The following LRP1 variants were observed in gnomAD, a reference collection of about 807,000 sequenced individuals.
The protein encoded by LRP1 is prolow-density lipoprotein receptor-related protein 1.
Under a neutral mutation model 541.5 loss-of-function variants are expected in LRP1, and 51 were observed. The ratio of observed to expected loss-of-function variants is 0.09; its 90% CI spans 0.08 to 0.12. LRP1 has a LOEUF of 0.12. Among genes scored for constraint, LRP1 ranks in the 10% least tolerant of loss-of-function variants. LRP1 has a pLI of 1.00. For synonymous variants in LRP1, 2,219 were observed against 2,470.8 expected (o/e 0.90, Z 3.02); for missense variants, 3,878 against 6,376.2 (o/e 0.61, Z 13.34).
intron 19 of LRP1, 44 bp downstream of exon 19, chr12:57,167,568 G>A: frequency 6.5e-7 from 1 of 1,539,922 alleles, no homozygotes; most frequent in East Asian, 2.2e-5. Flanking sequence ...AAGACAGCTA[G>A]AGGCTACAGC....
chr12:57,208,684 C>G (rs765331545), intron 77 of LRP1, 27 bp from the exon 78 acceptor site: 1 of 1,506,834 alleles, frequency 6.6e-7, no homozygotes, highest in South Asian at 1.1e-5. Flanking sequence ...TCCGGCCTGC[C>G]CACACTCACC....
In LRP1 at chr12:57,206,387, G is replaced by A; in HGVS notation, c.11591-86G>A. 9 of 1,364,996 alleles carry A rather than the reference G, an allele frequency of 6.6e-6. No individual in the cohort carries two copies. The highest frequency in any genetic ancestry group is 1.0e-6 in the Non-Finnish European group (1 of 975,140). The allele number at this position is 1,364,996 out of a possible 1,614,324, so 84.6% of individuals were successfully genotyped here. On this transcript the variant is annotated intron_variant, in intron 75 of 88. Transcript: ENST00000243077. This position sits in a 1 kb window ranked among gnomAD's most constrained non-coding sequence, Gnocchi z 4.7. ...GAGCAGATGGTCCTACCAGGAGATG[G>A]GACAGTGTTCATGTGAAAGGAGCTG...
chr12:57,159,843 G>T lies in LRP1; in HGVS notation c.1817G>T (p.Gly606Val). Reference sequence around the variant, plus strand: ...CCAACAGGCATCCACAATGTGGAGGGTGTGGCCGTGGACTGGATGGGAGAC... The same window carrying T: ...CCAACAGGCATCCACAATGTGGAGGTTGTGGCCGTGGACTGGATGGGAGAC... ...ILKDGIHNVE[G>V]VAVDWMGDNL... The change falls in exon 12 of 89, where the codon GGT (glycine) becomes GTT (valine). Residue 606 changes from glycine (G) to valine (V), a missense_variant. By Grantham distance (109) the Gly-to-Val change is moderately radical. Coordinates refer to ENST00000243077, the MANE Select transcript of LRP1 (RefSeq NM_002332.3). 6.2e-7 allele frequency: 1 copy of T among 1,614,216 alleles called. No individual in the cohort carries two copies. The highest frequency in any genetic ancestry group is 8.5e-7 in the Non-Finnish European group (1 of 1,180,028).
At position 57,203,988 on chromosome 12, in the gene LRP1, G is replaced by A. The variant is rs527872962; in HGVS notation, c.10952-422G>A. The A allele has an allele frequency of 2.6e-5, 5 of 194,930 alleles. No individual in the cohort carries two copies. The East Asian group carries it at 4.0e-4, about 16-fold the overall frequency. 12.1% of individuals were successfully genotyped at this position (194,930 alleles called of 1,614,324 possible). A position where few individuals can be genotyped will look rare whatever the true frequency, so the allele number is the denominator to read the frequency against. ...ATGAGAAAAGACTGGGCCTTGGAGC[G>A]GAAATCCCAACTGTGCGGGCAGATG... On this transcript the variant is annotated intron_variant, in intron 70 of 88. Transcript: ENST00000243077.
intron 24 of LRP1, 70 bp from the exon 25 acceptor site, chr12:57,176,971 C>G: frequency 1.4e-6 from 2 of 1,393,640 alleles, no homozygotes; most frequent in Non-Finnish European, 2.0e-6. Context: ...ATCGAGGGCT[C>G]CCAGGATTTC....
chr12:57,136,526 G>C (rs1191129611), intron 1 of LRP1, among the ~76,000 whole-genome samples: 1 of 151,790 alleles, frequency 6.6e-6, no homozygotes, highest in Non-Finnish European at 1.5e-5. Context: ...TTGGCACCCT[G>C]ATGCCTAGTG....
At chr12:57,210,622 T>C in intron 82 of LRP1, 96 bp from the exon 83 acceptor site, 2 of 1,485,850 alleles carry the variant, frequency 1.3e-6, no homozygotes, top group South Asian at 2.6e-5. Flanking sequence ...CACTCCAGTC[T>C]CTGCTTCTCG....
chr12:57,173,300 G>C lies in LRP1; in HGVS notation c.3296G>C (p.Gly1099Ala). The change falls in exon 21 of 89, where the codon GGA (glycine) becomes GCA (alanine). Residue 1099 changes from glycine to alanine, a missense_variant. Around this residue, in one of 13 missense-constraint regions of LRP1, gnomAD observed 320 missense variants for 547.9 expected, o/e 0.58. Coordinates refer to ENST00000243077, the MANE Select transcript of LRP1 (RefSeq NM_002332.3). The surrounding 1 kb of genome is among the most constrained non-coding windows in gnomAD (Gnocchi z 4.7). Reference sequence around the variant, plus strand: ...TCCAGCGATGAGAAGAGCTGTGAGGGAGTGACCCACGTCTGCGATCCCAGT... The same window carrying C: ...TCCAGCGATGAGAAGAGCTGTGAGGCAGTGACCCACGTCTGCGATCCCAGT... ...MDSSDEKSCE[G>A]VTHVCDPSVK... The C allele has an allele frequency of 1.2e-6, 2 of 1,614,108 alleles. No homozygotes were observed. Among genetic ancestry groups the C allele is most frequent in the Middle Eastern group, 1.6e-4 (1 of 6,062 alleles).
At chr12:57,175,815 A>C (rs2036034486) in intron 23 of LRP1, 94 bp from the exon 24 acceptor site, 11 of 1,568,208 alleles carry the variant, frequency 7.0e-6, no homozygotes, top group Non-Finnish European at 8.7e-6. Context: ...CCTAGCCCCC[A>C]GTGCCCGGAC....
Position 57,208,231 on chromosome 12 carries a change from T to G in LRP1, c.12038+15T>G, listed in dbSNP as rs879113596. 8.1e-6 allele frequency: 13 copies of G among 1,609,568 alleles called. No individual in the cohort carries two copies. The South Asian group carries it at 1.3e-4, about 16-fold the overall frequency. On this transcript the variant is annotated intron_variant, in intron 77 of 88. Coordinates refer to ENST00000243077, the MANE Select transcript of LRP1 (RefSeq NM_002332.3). ...CCACTGAGGGGGTGGGCAAGGGCCCTGGGGGGAGGCCTCTGGGCTGGTGGT... is the reference window on the plus strand; with the variant it reads ...CCACTGAGGGGGTGGGCAAGGGCCCGGGGGGGAGGCCTCTGGGCTGGTGGT...
chr12:57,175,802 C>T (rs1054135216), intron 23 of LRP1, 97 bp downstream of exon 23: 10 of 1,554,472 alleles, frequency 6.4e-6, no homozygotes, highest in Middle Eastern at 3.4e-4. Flanking sequence ...CTGAGTTTTC[C>T]ACCCTAGCCC....
chr12:57,132,585 C>G (rs1237847414), intron 1 of LRP1, among the ~76,000 whole-genome samples: 1 of 152,250 alleles, frequency 6.6e-6, no homozygotes, highest in Non-Finnish European at 1.5e-5. Context: ...AATCTCTGGA[C>G]TGAGCCCCCT....
intron 6 of LRP1, among the ~76,000 whole-genome samples, chr12:57,151,714 C>G (rs1441290910): frequency 1.3e-5 from 2 of 152,220 alleles, no homozygotes; most frequent in Non-Finnish European, 2.9e-5. Context: ...TTCCTCCTCT[C>G]CCTTTGAGCC....
intron 2 of LRP1, among the ~76,000 whole-genome samples, chr12:57,140,453 A>G (rs950572185): frequency 2.0e-5 from 3 of 152,226 alleles, no homozygotes; most frequent in African/African-American, 2.4e-5. Context: ...ACTTTAGTAC[A>G]GTGTATTCAT....
In LRP1 at chr12:57,187,250, C is replaced by T. The variant is rs776919373; in HGVS notation, c.6842-17C>T. On this transcript the variant is annotated splice_polypyrimidine_tract_variant and intron_variant, in intron 41 of 88. Coordinates refer to ENST00000243077, the MANE Select transcript of LRP1 (RefSeq NM_002332.3). ...TCTGGGCCCTCCTGACAAATCGCTGCTCCTGTCTCTTCACAGACGTGGGCT... is the reference window on the plus strand; with the variant it reads ...TCTGGGCCCTCCTGACAAATCGCTGTTCCTGTCTCTTCACAGACGTGGGCT... The T allele has an allele frequency of 6.2e-7, 1 of 1,604,548 alleles. No homozygotes were observed. Among genetic ancestry groups the T allele is most frequent in the East Asian group, 2.2e-5 (1 of 44,802 alleles).
At position 57,128,592 on chromosome 12, in the gene LRP1, C is replaced by T. The variant is rs1715540769; in HGVS notation, c.-373C>T. ...AGCCCCCTCCAAAGGCTCCCCTACC[C>T]GGTCCACGCCCCCCACCCCCCCTCC... is the stretch of plus-strand genomic sequence containing the variant. On this transcript the variant is annotated 5_prime_UTR_variant, in exon 1 of 89. Coordinates refer to ENST00000243077, the MANE Select transcript of LRP1 (RefSeq NM_002332.3). The T allele has an allele frequency of 2.4e-6, 1 of 412,966 alleles. No individual in the cohort carries two copies. Among genetic ancestry groups the T allele is most frequent in the Admixed American group, 4.0e-5 (1 of 24,802 alleles). The allele number at this position is 412,966 out of a possible 1,614,324, so 25.6% of individuals were successfully genotyped here.
Position 57,177,645 on chromosome 12 carries a change from T to TG in LRP1, c.4361+58dup. 6.3e-7 allele frequency: 1 copy of TG among 1,593,376 alleles called. No individual in the cohort carries two copies. Among genetic ancestry groups the TG allele is most frequent in the Middle Eastern group, 1.7e-4 (1 of 6,020 alleles). On this transcript the variant is annotated intron_variant, in intron 26 of 88. Coordinates refer to ENST00000243077, the MANE Select transcript of LRP1 (RefSeq NM_002332.3). The surrounding 1 kb of genome is among the most constrained non-coding windows in gnomAD (Gnocchi z 6.8). ...CCAAGTCTGTGGCACCAGGACGGGG[T>TG]GGGGAGGAACCTGTGGTGATGAGGG...
At chr12:57,181,326 G>T in intron 34 of LRP1, 35 bp downstream of exon 34, 1 of 1,593,226 alleles carries the variant, frequency 6.3e-7, no homozygotes, top group Non-Finnish European at 8.5e-7. Context: ...CCTTGTCCCA[G>T]CTCCCCAACC....
intron 42 of LRP1, among the ~76,000 whole-genome samples, chr12:57,188,130 A>G (rs2036304282): frequency 1.3e-5 from 2 of 152,164 alleles, no homozygotes; most frequent in South Asian, 2.1e-4. Context: ...TTAGGAGCAC[A>G]AGCCAGGACA....
Sources: gnomAD v4.1 joint callset for allele counts (sites outside exome capture counted in the v4.1 genomes callset) on GRCh38, gnomAD v4.1.1 for gene constraint, gnomAD v4.1.1 regional missense constraint, Gnocchi (gnomAD v3.1) non-coding constraint, MANE v1.5 for transcripts, NCBI Gene and HGNC (gene_info 2026-07-23, HGNC 2026-07-21) for gene names.